Variants in ATG7 observed in about 807,000 individuals in gnomAD.
ATG7 encodes autophagy related 7, also known as ubiquitin-like modifier-activating enzyme ATG7.
Under a neutral mutation model 82.4 loss-of-function variants are expected in ATG7, and 70 were observed. The observed-to-expected ratio is 0.85, with a 90% CI of 0.70 to 1.04. The LOEUF (loss-of-function observed/expected upper bound fraction) is 1.04. Among genes scored for constraint, ATG7 ranks in the 50% least tolerant of loss-of-function variants. The pLI is 0.00. For missense variants in ATG7, 792 were observed against 864.3 expected, an observed-to-expected ratio of 0.92 and a Z score of 1.05; for synonymous variants, 287 against 313.0, an observed-to-expected ratio of 0.92 and a Z score of 0.88.
chr3:11,462,672 T>C (rs887317604), intron 20 of ATG7, among the ~76,000 whole-genome samples: 4 of 152,048 alleles, frequency 2.6e-5, no homozygotes, highest in Non-Finnish European at 5.9e-5. Context: ...TTAGTTCGCA[T>C]GTCAGAAGTG....
Position 11,509,346 on chromosome 3 carries a change from A to G in ATG7, c.2080-45465A>G, listed in dbSNP as rs148912648. On this transcript the variant is annotated intron_variant, in intron 20 of 20. Transcript: ENST00000693202. ...GGCCCTCATGCATGCACATTTGTCT[A>G]CATCCAGGGAGCTGTTTTTTTTCTG... Among the ~76,000 whole-genome samples the G allele has an allele frequency of 3.8e-3, 571 of 151,822 alleles. 2 individuals carry two copies. The highest frequency in any genetic ancestry group is 0.013 in the African/African-American group (518 of 41,412).
chr3:11,288,485 T>A (rs1944443301), intron 3 of ATG7, among the ~76,000 whole-genome samples: 1 of 152,216 alleles, frequency 6.6e-6, no homozygotes, highest in African/African-American at 2.4e-5. Context: ...GCTAGTCTTT[T>A]ATCTCTCTCT....
In ATG7 at chr3:11,482,291, G is replaced by A. The variant is rs527725053; in HGVS notation, c.2079+55365G>A. 5.3e-4 allele frequency among the ~76,000 whole-genome samples: 81 copies of A among 152,280 alleles called. No homozygotes were observed. The South Asian group carries it at 0.016, about 30-fold the overall frequency. ...CAGCATCTCCTGGTGTTTGGGCTCC[G>A]AGCTCTTTCAAGAAACACCCCATGT... On this transcript the variant is annotated intron_variant, in intron 20 of 20. Coordinates refer to ENST00000693202, the MANE Select transcript of ATG7 (RefSeq NM_001349232.2).
chr3:11,522,606 G>C (rs965647373), intron 20 of ATG7, among the ~76,000 whole-genome samples: 1 of 152,072 alleles, frequency 6.6e-6, no homozygotes, highest in African/African-American at 2.4e-5. Context: ...AGAAGGAATC[G>C]TGCCCCAAGG....
chr3:11,523,324 T>G (rs1559796166), intron 20 of ATG7, among the ~76,000 whole-genome samples: 1 of 152,222 alleles, frequency 6.6e-6, no homozygotes, highest in Non-Finnish European at 1.5e-5. Flanking sequence ...CTCATAAAAT[T>G]CTTAGCCAAA....
At chr3:11,331,621 G>T (rs1264586028) in intron 10 of ATG7, among the ~76,000 whole-genome samples, 193 bp downstream of exon 10, 2 of 152,124 alleles carry the variant, frequency 1.3e-5, no homozygotes, top group Non-Finnish European at 1.5e-5. Context: ...GTCTGTTAGG[G>T]ACCTGCATAC....
chr3:11,447,117 A>G (rs866043524), intron 20 of ATG7, among the ~76,000 whole-genome samples: 4 of 152,220 alleles, frequency 2.6e-5, no homozygotes, highest in African/African-American at 4.8e-5. Flanking sequence ...GTAGCCATCC[A>G]TACCCTGGTT....
chr3:11,327,031 C>T (rs1007559014), intron 9 of ATG7, among the ~76,000 whole-genome samples: 1 of 152,152 alleles, frequency 6.6e-6, no homozygotes, highest in Non-Finnish European at 1.5e-5. Context: ...CATCACTTTT[C>T]CTGCTCTAGC....
chr3:11,424,342 A>C lies in ATG7; in HGVS notation c.1957-2462A>C, dbSNP rs532230205. On this transcript the variant is annotated intron_variant, in intron 19 of 20. Coordinates refer to ENST00000693202, the MANE Select transcript of ATG7 (RefSeq NM_001349232.2). ...CATTTGGTTTTAAGAAATATTAAAT[A>C]TTCAATGTTAAATAATATTGTTTAT... Among the ~76,000 whole-genome samples, 183 of 152,114 alleles carry C rather than the reference A, an allele frequency of 1.2e-3. 1 individual carries two copies. Among genetic ancestry groups the C allele is most frequent in the Admixed American group, 1.8e-3 (27 of 15,284 alleles).
At chr3:11,284,214 T>G (rs1450457443) in intron 3 of ATG7, among the ~76,000 whole-genome samples, 2 of 152,228 alleles carry the variant, frequency 1.3e-5, no homozygotes. Flanking sequence ...TATCCTACAC[T>G]TCTTCATTTT....
intron 19 of ATG7, among the ~76,000 whole-genome samples, chr3:11,404,958 C>A (rs1408722664): frequency 6.6e-6 from 1 of 152,138 alleles, no homozygotes; most frequent in South Asian, 2.1e-4. Context: ...TGGGTGGGGA[C>A]ACAGCCAAAT....
At position 11,340,656 on chromosome 3, in the gene ATG7, G is replaced by A. The variant is rs751688663; in HGVS notation, c.901G>A (p.Ala301Thr). 2.5e-6 allele frequency: 4 copies of A among 1,613,622 alleles called. No individual in the cohort carries two copies. The highest frequency in any genetic ancestry group is 1.7e-4 in the Middle Eastern group (1 of 6,058). The change falls in exon 12 of 21, where the codon GCA becomes ACA. Residue 301 changes from alanine to threonine, a missense_variant. Coordinates refer to ENST00000693202, the MANE Select transcript of ATG7 (RefSeq NM_001349232.2). ...TTATTTGCCTTAAGATTGTCCTAAAGCAGTTGGATGGGAAAAGAACCAGAA... is the reference window on the plus strand; with the variant it reads ...TTATTTGCCTTAAGATTGTCCTAAAACAGTTGGATGGGAAAAGAACCAGAA... ...EMAFSPDCPK[A>T]VGWEKNQKGG... is the part of the protein sequence containing the mutation.
intron 1 of ATG7, among the ~76,000 whole-genome samples, chr3:11,274,820 T>A (rs1941352082): frequency 6.6e-6 from 1 of 151,762 alleles, no homozygotes; most frequent in Non-Finnish European, 1.5e-5. Context: ...TGATAAATAC[T>A]CAATAAACAG....
At chr3:11,380,721 C>T (rs144226090) in intron 19 of ATG7, among the ~76,000 whole-genome samples, 57 of 152,294 alleles carry the variant, frequency 3.7e-4, no homozygotes, top group African/African-American at 1.3e-3. Context: ...TGCTGCCCAG[C>T]GACTTGACCT....
intron 19 of ATG7, among the ~76,000 whole-genome samples, chr3:11,419,318 C>T (rs918355586): frequency 6.6e-6 from 1 of 152,018 alleles, no homozygotes; most frequent in African/African-American, 2.4e-5. Context: ...TTTGGGAGGC[C>T]GAGGTGGGTG....
intron 7 of ATG7, among the ~76,000 whole-genome samples, chr3:11,311,111 A>G (rs11927249): frequency 0.064 from 9,783 of 152,208 alleles, 494 homozygotes; most frequent in African/African-American, 0.14. Flanking sequence ...TAGAGTCAGT[A>G]TGTGTGTTGG....
In ATG7 at chr3:11,356,507, G is replaced by A. The variant is rs575868258; in HGVS notation, c.1285-1911G>A. On this transcript the variant is annotated intron_variant, in intron 14 of 20. Transcript: ENST00000693202. ...CAGCCTCTTGGGTGTGGACATAACT[G>A]ATGGGCTCTAACGTTAGCTTACTGG... 5.3e-5 allele frequency among the ~76,000 whole-genome samples: 8 copies of A among 152,320 alleles called. No homozygotes were observed. The South Asian group carries it at 1.7e-3, about 32-fold the overall frequency.
chr3:11,434,876 G>A (rs932252555), intron 20 of ATG7, among the ~76,000 whole-genome samples: 1 of 152,218 alleles, frequency 6.6e-6, no homozygotes, highest in Non-Finnish European at 1.5e-5. Flanking sequence ...TGGGAATCCA[G>A]TCCTTCTTAC....
intron 3 of ATG7, among the ~76,000 whole-genome samples, chr3:11,286,612 A>T (rs1575162437): frequency 1.0e-5 from 1 of 98,742 alleles, no homozygotes; most frequent in African/African-American, 4.1e-5. Flanking sequence ...TTTTTTTGAG[A>T]CAGGGTCTGG....
Sources: gnomAD v4.1 joint callset for allele counts (sites outside exome capture counted in the v4.1 genomes callset) on GRCh38, gnomAD v4.1.1 for gene constraint, MANE v1.5 for transcripts, NCBI Gene and HGNC (gene_info 2026-07-23, HGNC 2026-07-21) for gene names.